The following NRXN3 variants were observed in gnomAD, a reference collection of about 807,000 sequenced individuals.
The protein encoded by NRXN3 is neurexin 3, also known as neurexin III.
NRXN3 carries 32 observed loss-of-function variants against 137.6 expected under a neutral mutation model. The observed-to-expected ratio is 0.23, with a 90% CI of 0.18 to 0.31. NRXN3 has a LOEUF of 0.31. NRXN3 is among the 10% of genes least tolerant of loss of function. The probability of loss-of-function intolerance (pLI) is 1.00; values close to 1 mark genes in which losing one functional copy is unlikely to be tolerated. For synonymous variants in NRXN3, 798 were observed against 784.5 expected (o/e 1.02, Z -0.29); for missense variants, 1,574 against 2,062.5 (o/e 0.76, Z 4.59).
At chr14:79,728,916 T>A (rs556457388) in intron 19 of NRXN3, among the ~76,000 whole-genome samples, 104 of 152,254 alleles carry the variant, frequency 6.8e-4, no homozygotes, top group Non-Finnish European at 1.1e-3. Context: ...ATTGATTCAG[T>A]TCTGTGAAGT....
At chr14:78,857,798 A>G (rs1250463673) in intron 10 of NRXN3, among the ~76,000 whole-genome samples, 2 of 152,166 alleles carry the variant, frequency 1.3e-5, no homozygotes, top group Non-Finnish European at 2.9e-5. Context: ...CATATGATTA[A>G]TTAGAGGTGG....
chr14:78,258,324 G>A lies in NRXN3; in HGVS notation c.709+14522G>A, dbSNP rs150375029. Among the ~76,000 whole-genome samples, 343 of 152,188 alleles carry A rather than the reference G, an allele frequency of 2.3e-3. 1 individual carries two copies. The highest frequency in any genetic ancestry group is 7.9e-3 in the African/African-American group (326 of 41,498). ...AGGAGCAGGTTTGGGGTGAAGATGA[G>A]AGAGGAGTAAAAATAGATTTTGATT... On this transcript the variant is annotated intron_variant, in intron 2 of 20. Transcript: ENST00000335750.
At chr14:79,417,310 A>G (rs1219201835) in intron 15 of NRXN3, among the ~76,000 whole-genome samples, 1 of 152,146 alleles carries the variant, frequency 6.6e-6, no homozygotes, top group Non-Finnish European at 1.5e-5. Context: ...TTAAGTTTTT[A>G]TTAATTAAAC....
intron 15 of NRXN3, among the ~76,000 whole-genome samples, chr14:79,389,921 T>G (rs4903850): frequency 0.31 from 47,373 of 152,166 alleles, 7,716 homozygotes; most frequent in Admixed American, 0.39. Context: ...TGAGTTGAAT[T>G]TGATTTACAT....
chr14:78,732,603 C>G (rs1378441294), intron 8 of NRXN3, among the ~76,000 whole-genome samples: 1 of 152,162 alleles, frequency 6.6e-6, no homozygotes, highest in Non-Finnish European at 1.5e-5. Context: ...TTCAACTCAT[C>G]ATATCTCTAG....
At position 78,265,477 on chromosome 14, in the gene NRXN3, A is replaced by G. The variant is rs539490900; in HGVS notation, c.710-13168A>G. Among the ~76,000 whole-genome samples the G allele has an allele frequency of 2.0e-5, 3 of 152,300 alleles. 1 individual carries two copies. Among genetic ancestry groups the G allele is most frequent in the Non-Finnish European group, 4.4e-5 (3 of 68,030 alleles). On this transcript the variant is annotated intron_variant, in intron 2 of 20. Coordinates refer to ENST00000335750, the MANE Select transcript of NRXN3 (RefSeq NM_001330195.2). ...ATATTTTTAAAGCATTTTTATATAC[A>G]TTATCTCATTTGAGTATCAGCCCCC...
At chr14:78,597,099 G>A (rs942366076) in intron 4 of NRXN3, among the ~76,000 whole-genome samples, 6 of 152,180 alleles carry the variant, frequency 3.9e-5, no homozygotes, top group African/African-American at 4.8e-5. Flanking sequence ...GAAAGATCCT[G>A]AGGGCATAAT....
At chr14:78,638,221 T>G (rs1268585653) in intron 4 of NRXN3, among the ~76,000 whole-genome samples, 1 of 152,202 alleles carries the variant, frequency 6.6e-6, no homozygotes, top group Non-Finnish European at 1.5e-5. Flanking sequence ...ACGGAGAGTC[T>G]GAGGATAAGG....
At chr14:78,679,652 T>A (rs2098052391) in intron 6 of NRXN3, among the ~76,000 whole-genome samples, 1 of 152,006 alleles carries the variant, frequency 6.6e-6, no homozygotes, top group Non-Finnish European at 1.5e-5. Flanking sequence ...GGAAGTGAGG[T>A]TTAATGCTAC....
chr14:79,281,184 A>T (rs1034197517), intron 15 of NRXN3, among the ~76,000 whole-genome samples: 2 of 152,200 alleles, frequency 1.3e-5, no homozygotes, highest in Admixed American at 6.5e-5. Context: ...TATTGCTATC[A>T]GAAAGGAAGC....
At chr14:78,929,125 C>T (rs1045403432) in intron 10 of NRXN3, among the ~76,000 whole-genome samples, 15 of 152,058 alleles carry the variant, frequency 9.9e-5, no homozygotes, top group South Asian at 4.1e-4. Flanking sequence ...TCATATCCTT[C>T]GCCCACTTTT....
At chr14:79,819,927 C>T (rs2099266198) in intron 20 of NRXN3, among the ~76,000 whole-genome samples, 1 of 152,042 alleles carries the variant, frequency 6.6e-6, no homozygotes, top group Non-Finnish European at 1.5e-5. Flanking sequence ...AACGTCTTGC[C>T]CTTCGCTTTG....
At chr14:79,108,715 G>C (rs903278137) in intron 15 of NRXN3, among the ~76,000 whole-genome samples, 1 of 152,066 alleles carries the variant, frequency 6.6e-6, no homozygotes, top group African/African-American at 2.4e-5. Flanking sequence ...TCTGCTTCTA[G>C]TTTAATATAG....
chr14:78,621,611 A>AT (rs2097404982), intron 4 of NRXN3, among the ~76,000 whole-genome samples: 1 of 152,164 alleles, frequency 6.6e-6, no homozygotes, highest in Non-Finnish European at 1.5e-5. Flanking sequence ...GCATTTGTTA[A>AT]TTTTTTATTC....
chr14:78,382,997 G>T (rs979121096), intron 4 of NRXN3, among the ~76,000 whole-genome samples: 1 of 152,102 alleles, frequency 6.6e-6, no homozygotes, highest in African/African-American at 2.4e-5. Context: ...GCCACCAACT[G>T]CTTATTCTGG....
intron 15 of NRXN3, among the ~76,000 whole-genome samples, chr14:79,273,648 C>A (rs116395867): frequency 0.04 from 6,092 of 152,044 alleles, 420 homozygotes; most frequent in African/African-American, 0.14. Flanking sequence ...TAAATAAATA[C>A]ATAAAATAAA....
intron 15 of NRXN3, among the ~76,000 whole-genome samples, chr14:79,006,975 G>A (rs2152371800): frequency 6.6e-6 from 1 of 152,234 alleles, no homozygotes; most frequent in South Asian, 2.1e-4. Context: ...AATGCTTGAG[G>A]TATTCAAAAC....
intron 16 of NRXN3, among the ~76,000 whole-genome samples, chr14:79,576,656 C>T (rs988930889): frequency 1.3e-5 from 2 of 152,116 alleles, no homozygotes; most frequent in Non-Finnish European, 2.9e-5. Flanking sequence ...CGTTTTGCTT[C>T]CCCGCTGACC....
intron 4 of NRXN3, among the ~76,000 whole-genome samples, chr14:78,339,525 A>C (rs2081920515): frequency 2.0e-5 from 3 of 152,250 alleles, no homozygotes; most frequent in South Asian, 4.2e-4. Flanking sequence ...GGATTATTCT[A>C]GCCATAAGTG....
Sources: allele counts gnomAD v4.1 joint callset (sites outside exome capture counted in the v4.1 genomes callset), GRCh38; gene constraint gnomAD v4.1.1; transcripts MANE v1.5; gene names NCBI Gene and HGNC (gene_info 2026-07-23, HGNC 2026-07-21).